The following RNF144A variants were observed in gnomAD, a reference collection of about 807,000 sequenced individuals.
RNF144A encodes the protein ring finger protein 144A.
Under a neutral mutation model 38.7 loss-of-function variants are expected in RNF144A, and 11 were observed. The observed-to-expected ratio is 0.28, with a 90% CI of 0.18 to 0.47. The LOEUF is 0.47. Ranked by LOEUF, RNF144A falls within the 20% of genes least tolerant of loss-of-function variation. The pLI, the probability that RNF144A is intolerant of heterozygous loss-of-function variation, is 0.99. For synonymous variants in RNF144A, 149 were observed against 143.9 expected (o/e 1.04, Z -0.25); for missense variants, 316 against 377.2 (o/e 0.84, Z 1.34).
intron 6 of RNF144A, among the ~76,000 whole-genome samples, chr2:7,055,257 GC>G (rs1673687106): frequency 6.6e-6 from 1 of 152,094 alleles, no homozygotes; most frequent in Non-Finnish European, 1.5e-5. Context: ...TCCAGGCAAT[GC>G]CCCCAACCTA....
chr2:6,949,750 C>A (rs1321360749), intron 2 of RNF144A, among the ~76,000 whole-genome samples: 1 of 152,144 alleles, frequency 6.6e-6, no homozygotes, highest in Non-Finnish European at 1.5e-5. Context: ...CAGGATCTGT[C>A]TTTGCTCTTA....
intron 8 of RNF144A, among the ~76,000 whole-genome samples, chr2:7,031,944 G>A (rs1672334451): frequency 6.6e-6 from 1 of 152,266 alleles, no homozygotes; most frequent in Non-Finnish European, 1.5e-5. Context: ...CAGGCAGGTG[G>A]AAGTGACTGT....
At chr2:7,055,946 C>T (rs1042289025) in intron 6 of RNF144A, among the ~76,000 whole-genome samples, 28 of 152,182 alleles carry the variant, frequency 1.8e-4, no homozygotes, top group African/African-American at 6.8e-4. Context: ...CATGCACACT[C>T]TGTAACCTAC....
At chr2:7,022,064 G>T (rs566757934) in intron 6 of RNF144A, among the ~76,000 whole-genome samples, 35 of 152,364 alleles carry the variant, frequency 2.3e-4, no homozygotes, top group African/African-American at 7.9e-4. Context: ...CTCCGAGGCT[G>T]CCTCCCCATG....
downstream of RNF144A, among the ~76,000 whole-genome samples, chr2:7,048,303 T>C (rs1673387010): frequency 6.6e-6 from 1 of 152,174 alleles, no homozygotes; most frequent in South Asian, 2.1e-4. Flanking sequence ...ATGGTGCCCA[T>C]CGCAGGACAA....
intron 8 of RNF144A, among the ~76,000 whole-genome samples, chr2:7,032,558 G>A (rs1672391952): frequency 6.6e-6 from 1 of 152,248 alleles, no homozygotes; most frequent in Non-Finnish European, 1.5e-5. Flanking sequence ...CAGCTTCTGT[G>A]GTTCGCCAGC....
At chr2:7,055,779 T>C (rs1435611292) in intron 6 of RNF144A, among the ~76,000 whole-genome samples, 2 of 152,226 alleles carry the variant, frequency 1.3e-5, no homozygotes, top group Non-Finnish European at 2.9e-5. Flanking sequence ...CCCAGGTTTT[T>C]TCTTACCAGT....
chr2:7,073,098 C>G (rs1674538649), downstream of RNF144A, among the ~76,000 whole-genome samples: 1 of 152,220 alleles, frequency 6.6e-6, no homozygotes, highest in Non-Finnish European at 1.5e-5. Context: ...TACCGGACAA[C>G]TTTGAGTTCC....
intron 3 of RNF144A, among the ~76,000 whole-genome samples, chr2:7,010,558 G>C (rs1670732807): frequency 6.6e-6 from 1 of 152,092 alleles, no homozygotes. Flanking sequence ...ATTTCTCTGT[G>C]GCCACTTCTC....
At chr2:7,030,447 G>A (rs72783716) in intron 8 of RNF144A, among the ~76,000 whole-genome samples, 223 of 152,214 alleles carry the variant, frequency 1.5e-3, no homozygotes, top group Non-Finnish European at 2.4e-3. Context: ...TAATGTCAAC[G>A]CGCATCACAT....
At chr2:7,008,514 A>G (rs1021104297) in intron 3 of RNF144A, among the ~76,000 whole-genome samples, 3 of 152,030 alleles carry the variant, frequency 2.0e-5, no homozygotes, top group African/African-American at 7.3e-5. Flanking sequence ...CCCTCCCGAC[A>G]CGGTGCACTC....
rs951361321 is a variant in RNF144A, at chr2:7,043,884, A to G, written c.*4124A>G. ...GTATAAAAATATGCATGAATGAGTC[A>G]TGCACATGTATACGTTATGTATTTG... is the stretch of plus-strand genomic sequence containing the variant. On this transcript the variant is annotated 3_prime_UTR_variant, in exon 9 of 9. Transcript: ENST00000320892. 6.1e-6 allele frequency: 6 copies of G among 985,730 alleles called. No homozygotes were observed. In the African/African-American group the frequency reaches 1.0e-4, roughly 17 times the overall value. 61.1% of individuals were successfully genotyped at this position (985,730 alleles called of 1,614,324 possible).
intron 1 of RNF144A, among the ~76,000 whole-genome samples, chr2:6,923,479 G>C (rs1664670050): frequency 6.6e-6 from 1 of 152,174 alleles, no homozygotes; most frequent in South Asian, 2.1e-4. Flanking sequence ...TCTTTCCAGG[G>C]CTGATCTCAG....
At chr2:6,983,467 G>A (rs1668765708) in intron 2 of RNF144A, among the ~76,000 whole-genome samples, 1 of 152,216 alleles carries the variant, frequency 6.6e-6, no homozygotes, top group African/African-American at 2.4e-5. Context: ...CCATCGTGTA[G>A]CACTGGATGG....
intron 2 of RNF144A, among the ~76,000 whole-genome samples, chr2:6,981,521 C>A (rs1558403040): frequency 6.6e-6 from 1 of 152,166 alleles, no homozygotes. Flanking sequence ...GGGGAAAATG[C>A]CACCAGTCTC....
In RNF144A at chr2:6,940,456, T is replaced by C. The variant is rs115609888; in HGVS notation, c.-211-492T>C. On this transcript the variant is annotated intron_variant, in intron 1 of 8. Transcript: ENST00000320892. ...GCTGAATTTATGTCTGCCATTGTAC[T>C]ATTTGTTTTCCATGGATCGTAATGT... 4.0e-3 allele frequency among the ~76,000 whole-genome samples: 603 copies of C among 152,366 alleles called. 5 individuals carry two copies. The highest frequency in any genetic ancestry group is 0.014 in the African/African-American group (582 of 41,590).
At chr2:7,072,872 A>G (rs1353358423), downstream of RNF144A, among the ~76,000 whole-genome samples, 1 of 152,240 alleles carries the variant, frequency 6.6e-6, no homozygotes, top group East Asian at 1.9e-4. Flanking sequence ...ACTGGAATCC[A>G]AGTGTTTACC....
At chr2:6,955,475 C>A (rs190779042) in intron 2 of RNF144A, among the ~76,000 whole-genome samples, 2 of 152,090 alleles carry the variant, frequency 1.3e-5, no homozygotes, top group African/African-American at 4.8e-5. Context: ...GTGCCTAGAC[C>A]GAGTCAATTC....
intron 6 of RNF144A, among the ~76,000 whole-genome samples, chr2:7,054,386 C>T (rs889229903): frequency 3.9e-5 from 6 of 152,152 alleles, no homozygotes; most frequent in Non-Finnish European, 7.3e-5. Context: ...ATAGGAGTGA[C>T]ATCTTTGCCT....
Sources: gnomAD v4.1 joint callset for allele counts (sites outside exome capture counted in the v4.1 genomes callset) on GRCh38, gnomAD v4.1.1 for gene constraint, MANE v1.5 for transcripts, NCBI Gene and HGNC (gene_info 2026-07-23, HGNC 2026-07-21) for gene names.